The following VPS35L variants were observed in gnomAD, a reference collection of about 807,000 sequenced individuals.
VPS35L encodes the protein VPS35 endosomal protein-sorting factor-like.
In VPS35L, 83 loss-of-function variants were observed where a neutral mutation model predicts 133.0. That is an observed-to-expected ratio of 0.62 (90% CI 0.52 to 0.75). The LOEUF (loss-of-function observed/expected upper bound fraction) is 0.75, where lower values mean the gene tolerates loss of function less well. Ranked by LOEUF, VPS35L falls within the 30% of genes least tolerant of loss-of-function variation. The probability of loss-of-function intolerance (pLI) is 0.00; values close to 1 mark genes in which losing one functional copy is unlikely to be tolerated. For missense variants in VPS35L, 1,083 were observed against 1,206.8 expected, an observed-to-expected ratio of 0.90 and a Z score of 1.52; for synonymous variants, 423 against 449.9, an observed-to-expected ratio of 0.94 and a Z score of 0.76.
At chr16:19,614,824 GC>G (rs1443831603) in intron 12 of VPS35L, among the ~76,000 whole-genome samples, 2 of 152,190 alleles carry the variant, frequency 1.3e-5, no homozygotes, top group African/African-American at 4.8e-5. Context: ...CCCCTCCGTA[GC>G]TCATCCCTCT....
Position 19,633,297 on chromosome 16 carries a change from T to C in VPS35L, c.1635+125T>C, listed in dbSNP as rs1597379891. 2 of 878,398 alleles carry C rather than the reference T, an allele frequency of 2.3e-6. No homozygotes were observed. The highest frequency in any genetic ancestry group is 3.0e-5 in the South Asian group (2 of 67,452). 54.4% of individuals were successfully genotyped at this position (878,398 alleles called of 1,614,324 possible). ...CTGTGTTTGAATCATAGCTCTGCCA[T>C]ATCCTAGCCATGTGCCCTTTGATCA... On this transcript the variant is annotated intron_variant, in intron 19 of 30. Coordinates refer to ENST00000417362, the MANE Select transcript of VPS35L (RefSeq NM_020314.7). This position sits in a 1 kb window ranked among gnomAD's most constrained non-coding sequence, Gnocchi z 4.1.
At chr16:19,615,248 A>G (rs1393796123) in intron 12 of VPS35L, among the ~76,000 whole-genome samples, 1 of 152,218 alleles carries the variant, frequency 6.6e-6, no homozygotes, top group Non-Finnish European at 1.5e-5. Flanking sequence ...GTTCAGAAAT[A>G]CATTCAATAC....
At chr16:19,692,024 G>A (rs9928002) in intron 29 of VPS35L, among the ~76,000 whole-genome samples, 5,868 of 152,102 alleles carry the variant, frequency 0.039, 288 homozygotes, top group African/African-American at 0.12. Flanking sequence ...ACAGGTGCCC[G>A]CCACCACACC....
At chr16:19,622,791 C>G (rs1255731766) in intron 14 of VPS35L, among the ~76,000 whole-genome samples, 1 of 152,028 alleles carries the variant, frequency 6.6e-6, no homozygotes, top group Non-Finnish European at 1.5e-5. Flanking sequence ...ATGTAAATAC[C>G]CAAGAGTGGG....
At chr16:19,665,270 T>A (rs1974626243) in intron 26 of VPS35L, among the ~76,000 whole-genome samples, 2 of 152,208 alleles carry the variant, frequency 1.3e-5, no homozygotes, top group Admixed American at 1.3e-4. Context: ...CTAGGTCTTA[T>A]TCATTCTTTC....
At chr16:19,657,568 C>T (rs951338542) in intron 26 of VPS35L, among the ~76,000 whole-genome samples, 6 of 152,240 alleles carry the variant, frequency 3.9e-5, no homozygotes, top group East Asian at 1.9e-4. Context: ...CCCCTGTAAG[C>T]GCATCACCTC....
intron 27 of VPS35L, among the ~76,000 whole-genome samples, chr16:19,678,361 C>G (rs891012223): frequency 1.1e-4 from 17 of 151,880 alleles, no homozygotes; most frequent in African/African-American, 3.6e-4. Flanking sequence ...CCAGGGACAC[C>G]TGGGGACACC....
At chr16:19,616,021 A>G (rs905604496) in intron 12 of VPS35L, 93 bp from the exon 13 acceptor site, 17 of 655,432 alleles carry the variant, frequency 2.6e-5, no homozygotes, top group Admixed American at 2.2e-4. Flanking sequence ...TTCTGTGTCT[A>G]TAAACATAGG....
chr16:19,692,706 G>C (rs561246105), intron 29 of VPS35L, among the ~76,000 whole-genome samples: 2 of 152,230 alleles, frequency 1.3e-5, no homozygotes, highest in East Asian at 3.9e-4. Context: ...TGGGATTCAG[G>C]TGCCCGCCAC....
intron 29 of VPS35L, among the ~76,000 whole-genome samples, chr16:19,697,913 T>C (rs1975972925): frequency 6.6e-6 from 1 of 152,222 alleles, no homozygotes; most frequent in Admixed American, 6.5e-5. Flanking sequence ...TCTGTGGTCC[T>C]TGGGCAAGTT....
At chr16:19,581,409 G>C (rs1385818251) in intron 6 of VPS35L, 116 bp from the exon 7 acceptor site, 1 of 1,195,734 alleles carries the variant, frequency 8.4e-7, no homozygotes, top group Admixed American at 2.9e-5. Context: ...AATCCTGGCG[G>C]GGATATGAGG....
At chr16:19,686,729 C>T (rs1975473787) in intron 28 of VPS35L, among the ~76,000 whole-genome samples, 2 of 152,186 alleles carry the variant, frequency 1.3e-5, no homozygotes, top group Admixed American at 1.3e-4. Context: ...CTCAAATGCG[C>T]CCTTTTCTCC....
Position 19,700,436 on chromosome 16 carries a change from C to A in VPS35L, c.2852C>A (p.Thr951Lys). ...AAACAACCAGACATGACTCATCTGA[C>A]GGAGCTGGCCCTCAGACTCCCTCTG... is the stretch of plus-strand genomic sequence containing the variant. ...QSKQPDMTHL[T>K]ELALRLPLQT... The change falls in exon 31 of 31, where the codon ACG (threonine) becomes AAG (lysine). Residue 951 changes from threonine (T) to lysine (K), a missense_variant. Thr to Lys is a moderately conservative substitution (Grantham distance 78, BLOSUM62 -1). Transcript: ENST00000417362. The A allele has an allele frequency of 3.1e-6, 5 of 1,614,212 alleles. No individual in the cohort carries two copies. The Admixed American group carries it at 6.7e-5, about 22-fold the overall frequency.
At chr16:19,672,680 C>T (rs1473740981) in intron 27 of VPS35L, among the ~76,000 whole-genome samples, 2 of 152,100 alleles carry the variant, frequency 1.3e-5, no homozygotes, top group Admixed American at 6.6e-5. Flanking sequence ...GATGGGGCAG[C>T]GTGCACTGGC....
At position 19,642,437 on chromosome 16, in the gene VPS35L, C is replaced by G. The variant is rs2151579047; in HGVS notation, c.1826C>G (p.Ala609Gly). The part of the protein sequence containing the change: ...EPTKDPVILN[A>G]LLHVCKTMHD... ...ACCAAGGACCCGGTCATCTTGAATG[C>G]CCTTTTGCATGTTTGCAAGACCATG... Residue 609 changes from alanine (A) to glycine (G), a missense_variant, in exon 22 of 31, where the codon GCC becomes GGC. Ala to Gly is a moderately conservative substitution (Grantham distance 60, BLOSUM62 0). Coordinates refer to ENST00000417362, the MANE Select transcript of VPS35L (RefSeq NM_020314.7). 1 of 1,613,802 alleles carries G rather than the reference C, an allele frequency of 6.2e-7. No individual in the cohort carries two copies. Among genetic ancestry groups the G allele is most frequent in the South Asian group, 1.1e-5 (1 of 91,048 alleles).
chr16:19,558,737 A>T (rs1330589287), intron 1 of VPS35L, among the ~76,000 whole-genome samples: 1 of 151,898 alleles, frequency 6.6e-6, no homozygotes, highest in Non-Finnish European at 1.5e-5. Flanking sequence ...CCTGACCAAC[A>T]TAGTGAAACC....
Position 19,577,838 on chromosome 16 carries a change from C to T in VPS35L, c.434-1214C>T, listed in dbSNP as rs543706851. 1.1e-4 allele frequency among the ~76,000 whole-genome samples: 16 copies of T among 152,286 alleles called. 1 individual carries two copies. The highest frequency in any genetic ancestry group is 1.5e-4 in the Non-Finnish European group (10 of 68,018). On this transcript the variant is annotated intron_variant, in intron 5 of 30. Coordinates refer to ENST00000417362, the MANE Select transcript of VPS35L (RefSeq NM_020314.7). ...GGAGGGCATCATCTATGAACCCAAC[C>T]GGAAAGCAGGCTGTCATCAGGCACT...
Position 19,686,307 on chromosome 16 carries a change from G to A in VPS35L, c.2527+3917G>A, listed in dbSNP as rs117991302. 1.9e-3 allele frequency among the ~76,000 whole-genome samples: 286 copies of A among 152,170 alleles called. 1 individual carries two copies. Among genetic ancestry groups the A allele is most frequent in the Non-Finnish European group, 2.6e-3 (176 of 68,000 alleles). On this transcript the variant is annotated intron_variant, in intron 28 of 30. Coordinates refer to ENST00000417362, the MANE Select transcript of VPS35L (RefSeq NM_020314.7). ...TTTCTGCATTTTTGGAGGATGCCTT[G>A]GCCACTTTCTTCCCAGATTAAGAAA... is the stretch of plus-strand genomic sequence containing the variant.
At chr16:19,684,725 G>A (rs767345545) in intron 28 of VPS35L, among the ~76,000 whole-genome samples, 75 of 152,222 alleles carry the variant, frequency 4.9e-4, no homozygotes, top group Non-Finnish European at 6.5e-4. Context: ...CACACCCAGA[G>A]TGGTGGGACG....
Sources: allele counts gnomAD v4.1 joint callset (sites outside exome capture counted in the v4.1 genomes callset), GRCh38; gene constraint gnomAD v4.1.1; non-coding constraint Gnocchi (gnomAD v3.1); transcripts MANE v1.5; gene names NCBI Gene and HGNC (gene_info 2026-07-23, HGNC 2026-07-21).